The following GNG2 variants were observed in gnomAD, a reference collection of about 807,000 sequenced individuals.
GNG2 encodes guanine nucleotide-binding protein G(I)/G(S)/G(O) subunit gamma-2.
GNG2 carries 5 observed loss-of-function variants against 5.5 expected under a neutral mutation model. That is an observed-to-expected ratio of 0.91 (90% CI 0.48 to 1.92). The LOEUF (loss-of-function observed/expected upper bound fraction) is 1.92, where lower values mean the gene tolerates loss of function less well. GNG2 is among the 30% of genes most tolerant of loss of function. The pLI is 0.01. For synonymous variants in GNG2, 28 were observed against 32.0 expected (o/e 0.88, Z 0.42); for missense variants, 55 against 88.4 (o/e 0.62, Z 1.52).
At chr14:51,959,434 T>C (rs1467760479) in intron 3 of GNG2, among the ~76,000 whole-genome samples, 1 of 152,170 alleles carries the variant, frequency 6.6e-6, no homozygotes, top group Non-Finnish European at 1.5e-5. Flanking sequence ...TCCTTAATTT[T>C]CCTTTTTTAT....
At position 51,877,167 on chromosome 14, in the gene GNG2, C is replaced by G. The variant is rs1461375425; in HGVS notation, c.-70-450C>G. 1.3e-5 allele frequency among the ~76,000 whole-genome samples: 2 copies of G among 152,216 alleles called. 1 individual carries two copies. Among genetic ancestry groups the G allele is most frequent in the African/African-American group, 4.8e-5 (2 of 41,458 alleles). On this transcript the variant is annotated intron_variant, in intron 1 of 3. Coordinates refer to ENST00000556766, the MANE Select transcript of GNG2 (RefSeq NM_053064.5). ...TCCTAAAGGGCCAGATACACACAAA[C>G]TGTATGCACTCAAACTCTGTCCCTA...
intron 1 of GNG2, among the ~76,000 whole-genome samples, chr14:51,867,871 T>C (rs4901170): frequency 0.38 from 58,386 of 152,124 alleles, 11,770 homozygotes; most frequent in South Asian, 0.45. Flanking sequence ...ATCTAGCTCA[T>C]TCTAGTGTGT....
At chr14:51,838,768 G>C (rs1292074640) in intron 2 of GNG2, among the ~76,000 whole-genome samples, 1 of 152,134 alleles carries the variant, frequency 6.6e-6, no homozygotes, top group Non-Finnish European at 1.5e-5. Flanking sequence ...AGCCAGCTTG[G>C]TAGTGCACAT....
intron 2 of GNG2, among the ~76,000 whole-genome samples, chr14:51,841,802 A>G (rs12587504): frequency 2.0e-5 from 3 of 152,246 alleles, no homozygotes; most frequent in East Asian, 1.9e-4. Flanking sequence ...TACGATGACA[A>G]CTGTGATCTT....
At chr14:51,843,850 G>A (rs1200680831) in intron 2 of GNG2, among the ~76,000 whole-genome samples, 1 of 152,142 alleles carries the variant, frequency 6.6e-6, no homozygotes, top group Non-Finnish European at 1.5e-5. Context: ...ACTATGCCAA[G>A]CTATTCATGG....
chr14:51,926,594 C>A (rs182276583), intron 2 of GNG2, among the ~76,000 whole-genome samples: 4 of 152,148 alleles, frequency 2.6e-5, no homozygotes, highest in Non-Finnish European at 4.4e-5. Flanking sequence ...GACTCCCTAC[C>A]GGCCTGCGCA....
At chr14:51,964,973 C>T (rs1889812308) in intron 3 of GNG2, among the ~76,000 whole-genome samples, 1 of 152,160 alleles carries the variant, frequency 6.6e-6, no homozygotes, top group African/African-American at 2.4e-5. Flanking sequence ...GCCACTATGC[C>T]ATTTGTTAAA....
chr14:51,871,169 C>G (rs1026271425), intron 1 of GNG2, among the ~76,000 whole-genome samples: 2 of 151,670 alleles, frequency 1.3e-5, no homozygotes, highest in Non-Finnish European at 1.5e-5. Context: ...TTTTTTAAAC[C>G]TCATGAATGA....
intron 1 of GNG2, among the ~76,000 whole-genome samples, chr14:51,861,612 A>G (rs184344187): frequency 2.0e-5 from 3 of 152,362 alleles, no homozygotes; most frequent in Admixed American, 2.0e-4. Flanking sequence ...AGACTGAAGT[A>G]GTAAAACCAG....
intron 3 of GNG2, among the ~76,000 whole-genome samples, chr14:51,954,604 T>G (rs17831501): frequency 0.32 from 49,384 of 152,042 alleles, 8,825 homozygotes; most frequent in Non-Finnish European, 0.39. Flanking sequence ...GATGTCTCAA[T>G]CCAAGAGCAG....
chr14:51,950,840 G>A (rs1888934663), intron 3 of GNG2, 75 bp downstream of exon 3: 2 of 825,294 alleles, frequency 2.4e-6, no homozygotes, highest in Non-Finnish European at 3.7e-6. Flanking sequence ...CTTTCCTAGA[G>A]AGGGATAAAA....
intron 2 of GNG2, among the ~76,000 whole-genome samples, chr14:51,889,599 C>G (rs751456649): frequency 3.9e-5 from 6 of 152,098 alleles, no homozygotes; most frequent in Non-Finnish European, 7.4e-5. Flanking sequence ...AATAAATATT[C>G]AAGAGCAGCC....
At chr14:51,848,943 T>G (rs1594834097) in intron 2 of GNG2, among the ~76,000 whole-genome samples, 1 of 152,200 alleles carries the variant, frequency 6.6e-6, no homozygotes, top group Non-Finnish European at 1.5e-5. Context: ...AGTAATGAAG[T>G]ACTGGGTACT....
intron 2 of GNG2, among the ~76,000 whole-genome samples, chr14:51,948,787 A>G (rs1044752971): frequency 6.6e-6 from 1 of 152,108 alleles, no homozygotes; most frequent in Admixed American, 6.5e-5. Flanking sequence ...AATTCCTTCA[A>G]TCTTCCCTCT....
At chr14:51,954,742 A>C (rs1488220569) in intron 3 of GNG2, among the ~76,000 whole-genome samples, 1 of 152,132 alleles carries the variant, frequency 6.6e-6, no homozygotes, top group Non-Finnish European at 1.5e-5. Flanking sequence ...AGGGATTTTT[A>C]GCTGCCAGGT....
intron 1 of GNG2, among the ~76,000 whole-genome samples, 161 bp downstream of exon 1, chr14:51,860,951 A>G (rs1355699787): frequency 6.6e-6 from 1 of 152,180 alleles, no homozygotes; most frequent in Middle Eastern, 3.2e-3. Context: ...AACCACATTT[A>G]TGACACATTT....
At chr14:51,846,287 T>A (rs1881624329) in intron 2 of GNG2, among the ~76,000 whole-genome samples, 1 of 152,212 alleles carries the variant, frequency 6.6e-6, no homozygotes. Flanking sequence ...TACAATTTTT[T>A]TCACACACAA....
chr14:51,867,596 G>T (rs1317667796), intron 1 of GNG2, among the ~76,000 whole-genome samples: 2 of 152,180 alleles, frequency 1.3e-5, no homozygotes, highest in Non-Finnish European at 2.9e-5. Flanking sequence ...TTTATAGCCG[G>T]TGTCTTAGTT....
intron 2 of GNG2, among the ~76,000 whole-genome samples, chr14:51,898,981 A>G (rs997300247): frequency 6.6e-6 from 1 of 152,210 alleles, no homozygotes. Flanking sequence ...GTGGAAAGAA[A>G]GAGCAGCTGT....
Sources: allele counts gnomAD v4.1 joint callset (sites outside exome capture counted in the v4.1 genomes callset), GRCh38; gene constraint gnomAD v4.1.1; transcripts MANE v1.5; gene names NCBI Gene and HGNC (gene_info 2026-07-23, HGNC 2026-07-21).